ROBO2: variants seen among roughly 807,000 people sequenced by gnomAD.
ROBO2 encodes the protein roundabout guidance receptor 2.
ROBO2 carries 53 observed loss-of-function variants against 160.8 expected under a neutral mutation model. The ratio of observed to expected loss-of-function variants is 0.33; its 90% CI spans 0.26 to 0.41. The LOEUF (loss-of-function observed/expected upper bound fraction) is 0.41. ROBO2 is among the 10% of genes least tolerant of loss of function. The probability of loss-of-function intolerance (pLI) is 1.00; values close to 1 mark genes in which losing one functional copy is unlikely to be tolerated. For missense variants in ROBO2, 1,577 were observed against 1,722.4 expected, an observed-to-expected ratio of 0.92 and a Z score of 1.49; for synonymous variants, 664 against 611.7, an observed-to-expected ratio of 1.09 and a Z score of -1.26.
chr3:76,996,837 G>A (rs1205694635), intron 2 of ROBO2, among the ~76,000 whole-genome samples: 21 of 151,886 alleles, frequency 1.4e-4, no homozygotes, highest in Admixed American at 1.4e-3. Context: ...GTGGCTTCTG[G>A]GTCTGATGTT....
chr3:76,373,918 G>A (rs2076223218), intron 2 of ROBO2, among the ~76,000 whole-genome samples: 1 of 151,894 alleles, frequency 6.6e-6, no homozygotes, highest in Non-Finnish European at 1.5e-5. Context: ...TGTCACAGCT[G>A]ATGTTTCTCT....
At chr3:76,982,671 G>A (rs1559797754) in intron 2 of ROBO2, among the ~76,000 whole-genome samples, 2 of 152,048 alleles carry the variant, frequency 1.3e-5, no homozygotes, top group Non-Finnish European at 1.5e-5. Flanking sequence ...GAATTATGGG[G>A]CACGGTTGTA....
chr3:76,959,985 C>T (rs1481950344), intron 2 of ROBO2, among the ~76,000 whole-genome samples: 1 of 151,448 alleles, frequency 6.6e-6, no homozygotes, highest in Non-Finnish European at 1.5e-5. Flanking sequence ...ATATATTTTT[C>T]TTGAAAATAC....
intron 21 of ROBO2, among the ~76,000 whole-genome samples, chr3:77,610,116 A>C (rs111955643): frequency 6.6e-6 from 1 of 151,826 alleles, no homozygotes; most frequent in Non-Finnish European, 1.5e-5. Flanking sequence ...TTATACTTTT[A>C]TATTTTCTAA....
At chr3:77,407,464 T>C (rs963772308) in intron 2 of ROBO2, among the ~76,000 whole-genome samples, 2 of 152,194 alleles carry the variant, frequency 1.3e-5, no homozygotes, top group South Asian at 4.1e-4. Context: ...GTAGCAAAGC[T>C]AATTACAGTA....
chr3:77,040,296 A>G (rs1053637335), exon 1 of ROBO2: 12 of 995,016 alleles, frequency 1.2e-5, no homozygotes, highest in Admixed American at 1.2e-4. Flanking sequence ...ATAACTCCGG[A>G]CGTGGAGCTG....
At chr3:77,052,343 G>C (rs1297062941) in intron 1 of ROBO2, among the ~76,000 whole-genome samples, 1 of 152,106 alleles carries the variant, frequency 6.6e-6, no homozygotes, top group Non-Finnish European at 1.5e-5. Flanking sequence ...CTAAAGAGAG[G>C]CTGTGCTGCT....
chr3:77,563,507 TAATTATAA>T (rs2093393216), intron 11 of ROBO2, among the ~76,000 whole-genome samples, 178 bp downstream of exon 12: 2 of 152,172 alleles, frequency 1.3e-5, no homozygotes. Context: ...GTTTACAACT[TAATTATAA>T]GATTTAAATA....
At chr3:77,411,775 GGGA>G (rs1356058915) in intron 2 of ROBO2, among the ~76,000 whole-genome samples, 2 of 152,256 alleles carry the variant, frequency 1.3e-5, no homozygotes, top group East Asian at 3.9e-4. Flanking sequence ...GCTGTTTATG[GGGA>G]GGAGAACTGG....
At chr3:76,272,797 T>C (rs1186839896) in intron 2 of ROBO2, among the ~76,000 whole-genome samples, 75 of 50,042 alleles carry the variant, frequency 1.5e-3, no homozygotes, top group South Asian at 2.3e-3. Context: ...AAAATATATA[T>C]ATATAAAATA....
chr3:76,578,655 G>T (rs1196494671), intron 2 of ROBO2, among the ~76,000 whole-genome samples: 1 of 152,014 alleles, frequency 6.6e-6, no homozygotes, highest in Non-Finnish European at 1.5e-5. Flanking sequence ...CTCCCTTGAT[G>T]GTTCTTTATT....
At chr3:76,181,580 A>G (rs1034692621) in intron 2 of ROBO2, among the ~76,000 whole-genome samples, 10 of 152,152 alleles carry the variant, frequency 6.6e-5, no homozygotes, top group Non-Finnish European at 1.0e-4. Context: ...TGCATTTAGG[A>G]TATTTCCTAT....
intron 2 of ROBO2, among the ~76,000 whole-genome samples, chr3:77,390,613 T>C (rs183601015): frequency 5.9e-5 from 9 of 152,312 alleles, no homozygotes; most frequent in African/African-American, 9.6e-5. Context: ...ACCTCTTTCC[T>C]TTCTAAATTA....
rs545621744 is a variant in ROBO2, at chr3:77,478,034, C to T, written c.546+463C>T. On this transcript the variant is annotated intron_variant, in intron 3 of 25. Transcript: ENST00000461745. ...TAGAGATGGGGTTTCACCATGTTGGCCAGGATGGTCTCCATCTCTTGACCT... is the reference window on the plus strand; with the variant it reads ...TAGAGATGGGGTTTCACCATGTTGGTCAGGATGGTCTCCATCTCTTGACCT... 4.7e-4 allele frequency among the ~76,000 whole-genome samples: 71 copies of T among 151,942 alleles called. No homozygotes were observed. The South Asian group carries it at 0.014, about 29-fold the overall frequency.
chr3:76,298,291 G>A (rs917385883), intron 2 of ROBO2, among the ~76,000 whole-genome samples: 1 of 152,144 alleles, frequency 6.6e-6, no homozygotes, highest in African/African-American at 2.4e-5. Flanking sequence ...GGAAAATGGA[G>A]AGGGATAGGG....
At chr3:76,603,253 A>AC in intron 2 of ROBO2, among the ~76,000 whole-genome samples, 1 of 147,082 alleles carries the variant, frequency 6.8e-6, no homozygotes, top group Non-Finnish European at 1.5e-5. Context: ...AATGGCGTGA[A>AC]CCCGGGAGGC....
chr3:76,693,382 C>T (rs1315733233), intron 2 of ROBO2, among the ~76,000 whole-genome samples: 1 of 148,598 alleles, frequency 6.7e-6, no homozygotes, highest in Non-Finnish European at 1.5e-5. Context: ...AGCATATATC[C>T]CTATATATGT....
chr3:76,666,317 T>C (rs2092044249), intron 2 of ROBO2, among the ~76,000 whole-genome samples: 1 of 152,082 alleles, frequency 6.6e-6, no homozygotes, highest in Non-Finnish European at 1.5e-5. Flanking sequence ...AAGTTCTCAA[T>C]GATGACCAAC....
At chr3:76,026,237 A>G (rs546566010) in intron 2 of ROBO2, among the ~76,000 whole-genome samples, 1 of 152,010 alleles carries the variant, frequency 6.6e-6, no homozygotes, top group East Asian at 1.9e-4. Flanking sequence ...ATTGGCTTAT[A>G]CAATATTACT....
Sources: allele counts gnomAD v4.1 joint callset (sites outside exome capture counted in the v4.1 genomes callset), GRCh38; gene constraint gnomAD v4.1.1; transcripts MANE v1.5; gene names NCBI Gene and HGNC (gene_info 2026-07-23, HGNC 2026-07-21).